The following RBFOX1 variants were observed in gnomAD, a reference collection of about 807,000 sequenced individuals.
RBFOX1 encodes RNA binding fox-1 homolog 1, also known as RNA binding protein fox-1 homolog 1.
RBFOX1 carries 8 observed loss-of-function variants against 57.7 expected under a neutral mutation model. The ratio of observed to expected loss-of-function variants is 0.14; its 90% CI spans 0.08 to 0.25. The LOEUF (loss-of-function observed/expected upper bound fraction) is 0.25. RBFOX1 is among the 10% of genes least tolerant of loss of function. RBFOX1 has a pLI of 1.00. For synonymous variants in RBFOX1, 326 were observed against 222.4 expected (o/e 1.47, Z -4.15); for missense variants, 611 against 548.5 (o/e 1.11, Z -1.14).
At chr16:6,839,310 G>A (rs1433281875) in intron 3 of RBFOX1, among the ~76,000 whole-genome samples, 1 of 152,262 alleles carries the variant, frequency 6.6e-6, no homozygotes, top group East Asian at 1.9e-4. Context: ...AGCTGCCTCA[G>A]TCTGAAAACG....
chr16:7,591,571 C>T (rs1173275849), intron 7 of RBFOX1, among the ~76,000 whole-genome samples: 5 of 152,116 alleles, frequency 3.3e-5, no homozygotes, highest in African/African-American at 7.2e-5. Flanking sequence ...TTAAGGTCCC[C>T]GTTATCTGCC....
intron 3 of RBFOX1, among the ~76,000 whole-genome samples, chr16:6,919,621 C>G (rs1423032251): frequency 6.6e-6 from 1 of 152,078 alleles, no homozygotes; most frequent in South Asian, 2.1e-4. Flanking sequence ...GAACAAGTAT[C>G]TGGAAATTCC....
chr16:6,496,736 G>A (rs1313885062), intron 2 of RBFOX1, among the ~76,000 whole-genome samples: 5 of 152,126 alleles, frequency 3.3e-5, no homozygotes, highest in Non-Finnish European at 5.9e-5. Context: ...AGGGTGGGTG[G>A]ATCGCTTGAG....
chr16:7,136,928 C>T (rs2072183902), intron 4 of RBFOX1, among the ~76,000 whole-genome samples: 1 of 152,170 alleles, frequency 6.6e-6, no homozygotes, highest in Non-Finnish European at 1.5e-5. Context: ...GCGCTGGGGC[C>T]CTTTCATTCC....
At chr16:5,782,166 G>A (rs543828924) in intron 3 of RBFOX1, among the ~76,000 whole-genome samples, 4 of 152,224 alleles carry the variant, frequency 2.6e-5, no homozygotes, top group Non-Finnish European at 5.9e-5. Flanking sequence ...AGATGAGATG[G>A]CACCACTGTA....
intron 4 of RBFOX1, among the ~76,000 whole-genome samples, chr16:7,415,010 A>C (rs1244217373): frequency 6.6e-6 from 1 of 152,252 alleles, no homozygotes. Flanking sequence ...TTATATGATC[A>C]CATAGTGAAT....
chr16:5,884,323 T>C (rs2057841101), intron 4 of RBFOX1, among the ~76,000 whole-genome samples: 1 of 152,002 alleles, frequency 6.6e-6, no homozygotes, highest in South Asian at 2.1e-4. Context: ...GGTGGGTGAT[T>C]AAAAAATGAT....
Position 5,674,270 on chromosome 16 carries a change from G to A in RBFOX1, c.318+75309G>A, listed in dbSNP as rs149470408. 4.6e-5 allele frequency among the ~76,000 whole-genome samples: 7 copies of A among 152,310 alleles called. No homozygotes were observed. In the East Asian group the frequency reaches 1.2e-3, roughly 25 times the overall value. ...GCAATTGAATTTAACCTGATTTAGG[G>A]TTCAGAGAAGCTGTTTCTGAGTAAC... is the stretch of plus-strand genomic sequence containing the variant. On this transcript the variant is annotated intron_variant, in intron 3 of 19. Coordinates refer to the RBFOX1 transcript ENST00000641259.
chr16:5,527,831 T>C (rs1159911904), intron 2 of RBFOX1, among the ~76,000 whole-genome samples: 1 of 152,174 alleles, frequency 6.6e-6, no homozygotes, highest in African/African-American at 2.4e-5. Flanking sequence ...GGTTTTGTCT[T>C]GGATACCCTA....
chr16:5,664,757 G>A (rs569038951), intron 3 of RBFOX1, among the ~76,000 whole-genome samples: 11 of 152,142 alleles, frequency 7.2e-5, no homozygotes, highest in African/African-American at 2.7e-4. Flanking sequence ...ATTCCTTTTT[G>A]CTTTTTCCAA....
At chr16:5,553,892 A>G (rs2045569633) in intron 2 of RBFOX1, among the ~76,000 whole-genome samples, 2 of 151,852 alleles carry the variant, frequency 1.3e-5, no homozygotes, top group African/African-American at 4.8e-5. Flanking sequence ...TACCCTGTGG[A>G]TGGATCAGAG....
At chr16:6,574,995 A>G (rs972630044) in intron 2 of RBFOX1, among the ~76,000 whole-genome samples, 58 of 149,928 alleles carry the variant, frequency 3.9e-4, no homozygotes, top group African/African-American at 1.3e-3. Context: ...CCGAGATGGC[A>G]CCACTGCACT....
At chr16:6,530,337 C>G (rs1457451783) in intron 2 of RBFOX1, among the ~76,000 whole-genome samples, 2 of 152,266 alleles carry the variant, frequency 1.3e-5, no homozygotes, top group African/African-American at 4.8e-5. Context: ...CTGTCACTCA[C>G]ATAGTTCCAG....
chr16:6,684,232 G>A (rs149681328), intron 3 of RBFOX1, among the ~76,000 whole-genome samples: 262 of 152,344 alleles, frequency 1.7e-3, no homozygotes, highest in African/African-American at 5.8e-3. Context: ...CTGGTGGGTT[G>A]CTGGTGTTAG....
chr16:7,411,190 C>T (rs1297816340), intron 4 of RBFOX1, among the ~76,000 whole-genome samples: 2 of 152,032 alleles, frequency 1.3e-5, no homozygotes, highest in Admixed American at 6.6e-5. Context: ...AGGTGATCTG[C>T]CCTTCTCAGC....
At position 6,859,175 on chromosome 16, in the gene RBFOX1, GTATATATATGTATA is replaced by G. The variant is rs2058542993; in HGVS notation, c.-15-192874_-15-192861del. On this transcript the variant is annotated intron_variant, in intron 3 of 15. Coordinates refer to ENST00000550418, the MANE Select transcript of RBFOX1 (RefSeq NM_018723.4). ...TATGTATATATATACGTATATATAT[GTATATATATGTATA>G]TATATATGTATATATATATATACAA... Among the ~76,000 whole-genome samples the G allele has an allele frequency of 4.8e-4, 32 of 66,510 alleles. 4 individuals are homozygous for G. Among genetic ancestry groups the G allele is most frequent in the African/African-American group, 2.4e-3 (30 of 12,616 alleles). The allele number at this position is 66,510 out of a possible 152,430, so 43.6% of individuals were successfully genotyped here. A position where few individuals can be genotyped will look rare whatever the true frequency, so the allele number is the denominator to read the frequency against.
chr16:7,363,335 G>C (rs529387749), intron 4 of RBFOX1, among the ~76,000 whole-genome samples: 1 of 152,136 alleles, frequency 6.6e-6, no homozygotes, highest in Non-Finnish European at 1.5e-5. Context: ...TACTTACAAC[G>C]TGTGAGACTT....
intron 3 of RBFOX1, among the ~76,000 whole-genome samples, chr16:6,948,811 A>G (rs2080106276): frequency 6.6e-6 from 1 of 152,182 alleles, no homozygotes; most frequent in African/African-American, 2.4e-5. Flanking sequence ...ATTTTAGCCT[A>G]AATCCTAGAG....
chr16:7,330,442 T>C (rs1484468281), intron 4 of RBFOX1, among the ~76,000 whole-genome samples: 1 of 138,686 alleles, frequency 7.2e-6, no homozygotes, highest in Non-Finnish European at 1.5e-5. Context: ...GTTGAATCTA[T>C]GGATGTGGAA....
Sources: gnomAD v4.1 joint callset for allele counts (sites outside exome capture counted in the v4.1 genomes callset) on GRCh38, gnomAD v4.1.1 for gene constraint, MANE v1.5 for transcripts, NCBI Gene and HGNC (gene_info 2026-07-23, HGNC 2026-07-21) for gene names.